The following SCO1 variants were observed in gnomAD, a reference collection of about 807,000 sequenced individuals.
The protein encoded by SCO1 is cytochrome c oxidase assembly factor SCO1.
In SCO1, 23 loss-of-function variants were observed where a neutral mutation model predicts 34.0. The observed-to-expected ratio is 0.68, with a 90% confidence interval of 0.49 to 0.96. The LOEUF (loss-of-function observed/expected upper bound fraction) is 0.96, where lower values mean the gene tolerates loss of function less well. Among genes scored for constraint, SCO1 ranks in the 40% least tolerant of loss-of-function variants. SCO1 has a pLI of 0.00. For missense variants in SCO1, 404 were observed against 381.6 expected, an observed-to-expected ratio of 1.06 and a Z score of -0.49; for synonymous variants, 161 against 145.5, an observed-to-expected ratio of 1.11 and a Z score of -0.77.
chr17:10,693,785 T>C (rs750768288), intron 2 of SCO1, among the ~76,000 whole-genome samples: 8 of 152,184 alleles, frequency 5.3e-5, no homozygotes, highest in Admixed American at 1.3e-4. Flanking sequence ...TTAGAGAATA[T>C]TGGAGACGTG....
At chr17:10,696,440 G>A (rs964234686) in intron 1 of SCO1, among the ~76,000 whole-genome samples, 1 of 152,066 alleles carries the variant, frequency 6.6e-6, no homozygotes, top group East Asian at 1.9e-4. Context: ...GCAAAACTCC[G>A]TCTCAAAACA....
In SCO1 at chr17:10,679,716, T is replaced by C. The variant is rs992147793; in HGVS notation, c.*1403A>G. On this transcript the variant is annotated 3_prime_UTR_variant, in exon 6 of 6. Coordinates refer to ENST00000255390, the MANE Select transcript of SCO1 (RefSeq NM_004589.4). The stretch of plus-strand genomic sequence containing the variant: ...ATCACTCAATAATCATTTTCTTCAA[T>C]GGCTGACACACCAAAAGAAGGGTCA... 1.3e-5 allele frequency: 2 copies of C among 152,268 alleles called. No homozygotes were observed. Among genetic ancestry groups the C allele is most frequent in the East Asian group, 3.9e-4 (2 of 5,188 alleles). The allele number at this position is 152,268 out of a possible 1,614,324, so 9.4% of individuals were successfully genotyped here. A position where few individuals can be genotyped will look rare whatever the true frequency, so the allele number is the denominator to read the frequency against.
intron 5 of SCO1, among the ~76,000 whole-genome samples, chr17:10,682,446 T>C (rs764429865): frequency 6.6e-6 from 1 of 152,166 alleles, no homozygotes; most frequent in Non-Finnish European, 1.5e-5. Context: ...TTTCTCCACA[T>C]ATTTGATACA....
chr17:10,693,460 A>T (rs984926621), intron 2 of SCO1, among the ~76,000 whole-genome samples: 1 of 152,236 alleles, frequency 6.6e-6, no homozygotes, highest in African/African-American at 2.4e-5. Flanking sequence ...AACAAGAGTC[A>T]ACTATGGAGA....
Position 10,674,325 on chromosome 17 carries a change from C to A in SCO1, c.*6794G>T. 1 of 167,470 alleles carries A rather than the reference C, an allele frequency of 6.0e-6. No individual in the cohort carries two copies. Among genetic ancestry groups the A allele is most frequent in the South Asian group, 1.3e-4 (1 of 7,954 alleles). The allele number at this position is 167,470 out of a possible 1,614,324, so 10.4% of individuals were successfully genotyped here. A position where few individuals can be genotyped will look rare whatever the true frequency, so the allele number is the denominator to read the frequency against. On this transcript the variant is annotated 3_prime_UTR_variant, in exon 6 of 6. Coordinates refer to ENST00000255390, the MANE Select transcript of SCO1 (RefSeq NM_004589.4). ...CCTGTAATCCCAGCTACTTGGGAGG[C>A]TGAGGCAGCAGAATCACTTGAACCA...
In SCO1 at chr17:10,692,753, G is replaced by T; in HGVS notation, c.562+11C>A. On this transcript the variant is annotated intron_variant, in intron 3 of 5. Transcript: ENST00000255390. ...ACATATACTTTGTTTAGTTAGTGAT[G>T]GCTTTCTTACCTATTTCATCCACGA... is the stretch of plus-strand genomic sequence containing the variant. The T allele has an allele frequency of 6.2e-7, 1 of 1,609,694 alleles. No homozygotes were observed. Among genetic ancestry groups the T allele is most frequent in the East Asian group, 2.2e-5 (1 of 44,870 alleles).
intron 5 of SCO1, among the ~76,000 whole-genome samples, chr17:10,681,759 G>A (rs183375540): frequency 6.6e-6 from 1 of 152,180 alleles, no homozygotes; most frequent in African/African-American, 2.4e-5. Flanking sequence ...GAAAGAACTG[G>A]TTGTCATTCA....
intron 4 of SCO1, among the ~76,000 whole-genome samples, chr17:10,689,026 G>A (rs2074674161): frequency 7.0e-6 from 1 of 143,342 alleles, no homozygotes; most frequent in Non-Finnish European, 1.5e-5. Context: ...TGAGGCAGGA[G>A]AATGGCGTGA....
In SCO1 at chr17:10,692,037, G is replaced by C. The variant is rs2074693375; in HGVS notation, c.563-73C>G. 4 of 1,064,658 alleles carry C rather than the reference G, an allele frequency of 3.8e-6. No homozygotes were observed. In the Admixed American group the frequency reaches 6.8e-5, roughly 18 times the overall value. 66.0% of individuals were successfully genotyped at this position (1,064,658 alleles called of 1,614,324 possible). ...ACAAAGAAAACCAGCAATAACAGGA[G>C]AGTATAGGACGTGCTGGACAGCTAG... On this transcript the variant is annotated intron_variant, in intron 3 of 5. Transcript: ENST00000255390.
intron 4 of SCO1, among the ~76,000 whole-genome samples, chr17:10,689,529 G>C (rs1194148957): frequency 6.6e-6 from 1 of 152,130 alleles, no homozygotes; most frequent in Non-Finnish European, 1.5e-5. Flanking sequence ...GAAGAAACTT[G>C]AGTCTAGAGA....
rs988953284 is a variant in SCO1 at position 10,677,571 on chromosome 17, A to C, written c.*3548T>G. 2 of 152,224 alleles carry C rather than the reference A, an allele frequency of 1.3e-5. No individual in the cohort carries two copies. Among genetic ancestry groups the C allele is most frequent in the African/African-American group, 2.4e-5 (1 of 41,444 alleles). 9.4% of individuals were successfully genotyped at this position (152,224 alleles called of 1,614,324 possible). A position where few individuals can be genotyped will look rare whatever the true frequency, so the allele number is the denominator to read the frequency against. On this transcript the variant is annotated 3_prime_UTR_variant, in exon 6 of 6. Coordinates refer to ENST00000255390, the MANE Select transcript of SCO1 (RefSeq NM_004589.4). ...AAGGATCTTATGCAGACGCATTTAC[A>C]ATTTAAAATCATTAGCCTCCCAACT...
intron 4 of SCO1, among the ~76,000 whole-genome samples, chr17:10,691,373 G>C (rs987321941): frequency 6.6e-6 from 1 of 151,672 alleles, no homozygotes; most frequent in African/African-American, 2.4e-5. Context: ...CACCCACTTT[G>C]GTCTCCCAAA....
intron 1 of SCO1, among the ~76,000 whole-genome samples, chr17:10,696,652 A>C (rs1469193790): frequency 6.6e-6 from 1 of 151,622 alleles, no homozygotes; most frequent in Non-Finnish European, 1.5e-5. Flanking sequence ...TCAACTCCCC[A>C]AATGAAGATG....
In SCO1 at chr17:10,691,859, T is replaced by C. The variant is rs1249197153; in HGVS notation, c.655+13A>G. 1 of 1,552,992 alleles carries C rather than the reference T, an allele frequency of 6.4e-7. No homozygotes were observed. The highest frequency in any genetic ancestry group is 8.9e-7 in the Non-Finnish European group (1 of 1,124,646). Reference sequence around the variant, plus strand: ...AAGGCTAAATAAATGTAAAGTATTATTTAAAAAAATACCTTTCACATAATT... The same window carrying C: ...AAGGCTAAATAAATGTAAAGTATTACTTAAAAAAATACCTTTCACATAATT... On this transcript the variant is annotated intron_variant, in intron 4 of 5. Transcript: ENST00000255390.
At position 10,674,361 on chromosome 17, in the gene SCO1, G is replaced by A. The variant is rs902156623; in HGVS notation, c.*6758C>T. 1.0e-5 allele frequency: 2 copies of A among 193,296 alleles called. No homozygotes were observed. The highest frequency in any genetic ancestry group is 4.8e-5 in the African/African-American group (2 of 41,972). The allele number at this position is 193,296 out of a possible 1,614,324, so 12.0% of individuals were successfully genotyped here. ...GAATCACTTGAACCAGGGAGGTGGA[G>A]GTTGCAGTGAGCCAAGATCGCACCA... On this transcript the variant is annotated 3_prime_UTR_variant, in exon 6 of 6. Transcript: ENST00000255390.
At chr17:10,686,001 G>A (rs1213236055) in intron 5 of SCO1, among the ~76,000 whole-genome samples, 1 of 152,154 alleles carries the variant, frequency 6.6e-6, no homozygotes, top group Non-Finnish European at 1.5e-5. Context: ...GCTGAGGTGG[G>A]CAGGGCAGAC....
In SCO1 at chr17:10,678,293, G is replaced by A. The variant is rs2074595495; in HGVS notation, c.*2826C>T. ...ACCTAGAAATTGGGACCCGAGTTTT[G>A]CGCCTTAATTCTCCGAGACTGTCCC... On this transcript the variant is annotated 3_prime_UTR_variant, in exon 6 of 6. Transcript: ENST00000255390. The A allele has an allele frequency of 6.6e-6, 1 of 152,170 alleles. No individual in the cohort carries two copies. The highest frequency in any genetic ancestry group is 2.4e-5 in the African/African-American group (1 of 41,424). 9.4% of individuals were successfully genotyped at this position (152,170 alleles called of 1,614,324 possible). A position where few individuals can be genotyped will look rare whatever the true frequency, so the allele number is the denominator to read the frequency against.
rs1800446774 is a variant in SCO1, at chr17:10,674,398, C to T, written c.*6721G>A. Reference sequence around the variant, plus strand: ...CCAAGATCGCACCACTGCTCTCCAGCCTAGGCAACAAGAGCGAAACTCCAT... The same window carrying T: ...CCAAGATCGCACCACTGCTCTCCAGTCTAGGCAACAAGAGCGAAACTCCAT... On this transcript the variant is annotated 3_prime_UTR_variant, in exon 6 of 6. Transcript: ENST00000255390. The T allele has an allele frequency of 5.8e-5, 15 of 260,316 alleles. No individual in the cohort carries two copies. Among genetic ancestry groups the T allele is most frequent in the South Asian group, 5.7e-4 (15 of 26,368 alleles). 16.1% of individuals were successfully genotyped at this position (260,316 alleles called of 1,614,324 possible).
chr17:10,686,303 A>G (rs2074655895), intron 5 of SCO1, among the ~76,000 whole-genome samples: 1 of 151,344 alleles, frequency 6.6e-6, no homozygotes, highest in African/African-American at 2.4e-5. Context: ...AAAATTCCTA[A>G]GGAGGCTGGA....
Sources: gnomAD v4.1 joint callset for allele counts (sites outside exome capture counted in the v4.1 genomes callset) on GRCh38, gnomAD v4.1.1 for gene constraint, MANE v1.5 for transcripts, NCBI Gene and HGNC (gene_info 2026-07-23, HGNC 2026-07-21) for gene names.